Variants in C10orf67 observed in about 807,000 individuals in gnomAD.
C10orf67 encodes the protein chromosome 10 open reading frame 67, also known as uncharacterized protein C10orf67, mitochondrial.
A neutral mutation model predicts 35.6 loss-of-function variants in C10orf67; 60 were observed. The observed-to-expected ratio is 1.68, with a 90% confidence interval of 1.37 to 2.09. C10orf67 has a LOEUF of 2.09. Ranked by LOEUF, C10orf67 falls within the 30% of genes most tolerant of loss-of-function variation. The pLI is 0.00. For synonymous variants in C10orf67, 167 were observed against 115.8 expected (o/e 1.44, Z -2.84); for missense variants, 474 against 330.2 (o/e 1.44, Z -3.38).
intron 15 of C10orf67, among the ~76,000 whole-genome samples, chr10:23,215,968 GC>G (rs986544833): frequency 2.6e-5 from 4 of 152,118 alleles, no homozygotes; most frequent in African/African-American, 9.7e-5. Flanking sequence ...TTGAAGAATA[GC>G]TATGACAAAC....
At chr10:23,275,771 T>A (rs529077941) in intron 8 of C10orf67, among the ~76,000 whole-genome samples, 1 of 152,270 alleles carries the variant, frequency 6.6e-6, no homozygotes, top group Non-Finnish European at 1.5e-5. Context: ...CCCTGGTCAA[T>A]TTTTTATGCT....
At chr10:23,253,288 A>C (rs1842509779) in intron 10 of C10orf67, among the ~76,000 whole-genome samples, 1 of 152,210 alleles carries the variant, frequency 6.6e-6, no homozygotes, top group African/African-American at 2.4e-5. Context: ...GATTTGGATA[A>C]GGCCATTCAT....
chr10:23,288,582 A>ATT (rs1166946332), intron 7 of C10orf67, among the ~76,000 whole-genome samples: 2 of 152,106 alleles, frequency 1.3e-5, no homozygotes, highest in Non-Finnish European at 2.9e-5. Context: ...CATGTATCCC[A>ATT]TTTTTTTAGA....
At chr10:23,275,790 G>T (rs946430087) in intron 8 of C10orf67, among the ~76,000 whole-genome samples, 1 of 152,134 alleles carries the variant, frequency 6.6e-6, no homozygotes, top group African/African-American at 2.4e-5. Flanking sequence ...CTTTTACAAA[G>T]ATGTTTGTAA....
chr10:23,239,260 A>T (rs182814790), intron 13 of C10orf67, among the ~76,000 whole-genome samples: 2 of 152,216 alleles, frequency 1.3e-5, no homozygotes, highest in Non-Finnish European at 2.9e-5. Context: ...AAATAATAGC[A>T]TAATTTAGAA....
At chr10:23,210,575 A>G (rs554200245) in intron 15 of C10orf67, among the ~76,000 whole-genome samples, 95 of 152,204 alleles carry the variant, frequency 6.2e-4, no homozygotes, top group African/African-American at 2.2e-3. Context: ...GCCTGCCACC[A>G]TGGCCAGCTA....
intron 4 of C10orf67, 119 bp downstream of exon 4, chr10:23,320,622 G>T: frequency 1.4e-6 from 1 of 700,994 alleles, no homozygotes. Context: ...TGAAAATCGA[G>T]GAAACAGGCC....
At chr10:23,239,996 G>A (rs1387242959) in intron 12 of C10orf67, among the ~76,000 whole-genome samples, 180 bp from the exon 13 acceptor site, 1 of 151,958 alleles carries the variant, frequency 6.6e-6, no homozygotes, top group Non-Finnish European at 1.5e-5. Flanking sequence ...TGTTGCCTGG[G>A]CAAAATGGTG....
chr10:23,262,504 A>G (rs1564477435), intron 10 of C10orf67, among the ~76,000 whole-genome samples: 1 of 152,184 alleles, frequency 6.6e-6, no homozygotes, highest in African/African-American at 2.4e-5. Flanking sequence ...GAATAAGGAC[A>G]TTATCCATAC....
At chr10:23,253,523 A>T (rs1396361165) in intron 10 of C10orf67, among the ~76,000 whole-genome samples, 4 of 152,206 alleles carry the variant, frequency 2.6e-5, no homozygotes, top group Non-Finnish European at 5.9e-5. Context: ...ATGCTAAAAA[A>T]AATTAACCCA....
chr10:23,344,493 A>G, intron 1 of C10orf67, 76 bp downstream of exon 1: 1 of 1,376,026 alleles, frequency 7.3e-7, no homozygotes, highest in Non-Finnish European at 1.0e-6. Context: ...ACCCCCGTAA[A>G]TAACCCTTCA....
intron 15 of C10orf67, among the ~76,000 whole-genome samples, chr10:23,207,539 C>A (rs765378278): frequency 1.5e-4 from 23 of 152,276 alleles, no homozygotes; most frequent in Middle Eastern, 3.4e-3. Context: ...CAAATAAATT[C>A]TCTGGTCATT....
At chr10:23,318,633 C>G (rs1048243772) in intron 4 of C10orf67, 2 of 398,918 alleles carry the variant, frequency 5.0e-6, no homozygotes, top group South Asian at 5.7e-5. Context: ...AAGTGGGAGA[C>G]AGTGTCACAG....
chr10:23,262,864 C>G (rs1450114991), intron 10 of C10orf67, among the ~76,000 whole-genome samples: 2 of 152,148 alleles, frequency 1.3e-5, no homozygotes, highest in African/African-American at 4.8e-5. Flanking sequence ...TCTCTGAGAG[C>G]AGAATCTAAA....
At chr10:23,208,541 G>A (rs1386131741) in intron 15 of C10orf67, among the ~76,000 whole-genome samples, 4 of 152,190 alleles carry the variant, frequency 2.6e-5, no homozygotes, top group Admixed American at 6.5e-5. Flanking sequence ...TACAGAATGT[G>A]CTAGTCATTG....
At chr10:23,331,038 C>T (rs1444331068) in intron 2 of C10orf67, among the ~76,000 whole-genome samples, 1 of 39,850 alleles carries the variant, frequency 2.5e-5, no homozygotes, top group Non-Finnish European at 4.1e-5. Flanking sequence ...GGAGGGAAAC[C>T]GGGAAAAGAG....
intron 4 of C10orf67, among the ~76,000 whole-genome samples, chr10:23,308,130 G>A (rs971913123): frequency 6.6e-6 from 1 of 152,126 alleles, no homozygotes; most frequent in African/African-American, 2.4e-5. Flanking sequence ...ATTAACAGCA[G>A]CATAAGCCAG....
intron 13 of C10orf67, among the ~76,000 whole-genome samples, chr10:23,226,990 C>T (rs1292115035): frequency 6.6e-6 from 1 of 152,166 alleles, no homozygotes. Context: ...GACGGATTCA[C>T]AGCCAAATTC....
intron 15 of C10orf67, among the ~76,000 whole-genome samples, chr10:23,212,540 A>G (rs951214980): frequency 1.3e-5 from 2 of 152,154 alleles, no homozygotes; most frequent in African/African-American, 2.4e-5. Context: ...AACAACAACA[A>G]CAACAGTTTT....
Sources: allele counts gnomAD v4.1 joint callset (sites outside exome capture counted in the v4.1 genomes callset), GRCh38; gene constraint gnomAD v4.1.1; transcripts MANE v1.5; gene names NCBI Gene and HGNC (gene_info 2026-07-23, HGNC 2026-07-21).